Variants in COMMD1 observed in about 807,000 individuals in gnomAD.
COMMD1 encodes copper metabolism domain containing 1.
COMMD1 carries 10 observed loss-of-function variants against 17.2 expected under a neutral mutation model. That is an observed-to-expected ratio of 0.58 (90% CI 0.36 to 0.99). The LOEUF (loss-of-function observed/expected upper bound fraction) is 0.99. COMMD1 is among the 50% of genes least tolerant of loss of function. The pLI is 0.01. For synonymous variants in COMMD1, 97 were observed against 91.6 expected, an observed-to-expected ratio of 1.06 and a Z score of -0.34; for missense variants, 270 against 231.8, an observed-to-expected ratio of 1.17 and a Z score of -1.07.
intron 2 of COMMD1, among the ~76,000 whole-genome samples, chr2:62,060,154 C>A (rs1371194245): frequency 6.6e-6 from 1 of 151,974 alleles, no homozygotes; most frequent in Non-Finnish European, 1.5e-5. Flanking sequence ...CATGGTGAAA[C>A]CCTGTCTCTA....
At chr2:61,923,696 T>G (rs1314884534) in intron 1 of COMMD1, among the ~76,000 whole-genome samples, 1 of 152,186 alleles carries the variant, frequency 6.6e-6, no homozygotes, top group Non-Finnish European at 1.5e-5. Flanking sequence ...TATTTTGTGG[T>G]GAGCAGGGAG....
chr2:61,997,942 C>G (rs1668810628), intron 1 of COMMD1, among the ~76,000 whole-genome samples: 1 of 152,228 alleles, frequency 6.6e-6, no homozygotes, highest in Admixed American at 6.5e-5. Context: ...TTTAGTGTAA[C>G]CACGTTCATC....
At chr2:61,925,050 C>T (rs752328799) in intron 1 of COMMD1, among the ~76,000 whole-genome samples, 17 of 152,164 alleles carry the variant, frequency 1.1e-4, no homozygotes, top group Non-Finnish European at 1.9e-4. Context: ...ACAGTCTCTT[C>T]ACTCACCCTG....
chr2:62,123,809 A>C (rs879635197), intron 2 of COMMD1, among the ~76,000 whole-genome samples: 2 of 151,910 alleles, frequency 1.3e-5, no homozygotes, highest in Non-Finnish European at 2.9e-5. Context: ...CTGGGAGAAA[A>C]TAAATCTCTT....
chr2:61,913,576 G>A (rs1362670636), intron 1 of COMMD1, among the ~76,000 whole-genome samples: 1 of 150,074 alleles, frequency 6.7e-6, no homozygotes, highest in African/African-American at 2.4e-5. Context: ...ACTAAAAATT[G>A]GCTCTACTAA....
chr2:62,119,887 C>T (rs983350169), intron 2 of COMMD1, among the ~76,000 whole-genome samples: 2 of 152,188 alleles, frequency 1.3e-5, no homozygotes, highest in African/African-American at 2.4e-5. Context: ...AGATTATCAT[C>T]CTTAGAAAGC....
At chr2:61,911,494 CAG>C (rs1410529889) in intron 1 of COMMD1, among the ~76,000 whole-genome samples, 1 of 152,094 alleles carries the variant, frequency 6.6e-6, no homozygotes, top group Non-Finnish European at 1.5e-5. Context: ...TATTTAGAGA[CAG>C]GGACTCACTC....
intron 2 of COMMD1, 117 bp downstream of exon 2, chr2:62,001,099 G>A: frequency 3.9e-6 from 4 of 1,033,790 alleles, no homozygotes; most frequent in South Asian, 1.4e-5. Flanking sequence ...CTGTTTCCTA[G>A]AATCCTTTTT....
chr2:62,072,409 A>G (rs1273330324), intron 2 of COMMD1, among the ~76,000 whole-genome samples: 1 of 152,052 alleles, frequency 6.6e-6, no homozygotes, highest in Non-Finnish European at 1.5e-5. Flanking sequence ...TCAGCCACAC[A>G]TTGGGACTAC....
At chr2:62,129,729 C>T (rs1672973624) in intron 2 of COMMD1, among the ~76,000 whole-genome samples, 2 of 152,132 alleles carry the variant, frequency 1.3e-5, no homozygotes, top group South Asian at 4.1e-4. Context: ...GCTTGCTCTC[C>T]CTCTTCCTCT....
chr2:62,086,426 G>A (rs1439847312), intron 2 of COMMD1, among the ~76,000 whole-genome samples: 6 of 151,456 alleles, frequency 4.0e-5, no homozygotes, highest in Non-Finnish European at 8.8e-5. Context: ...CAGGAGAATC[G>A]CGTGAACCCG....
At chr2:62,084,330 C>T (rs1229615225) in intron 2 of COMMD1, among the ~76,000 whole-genome samples, 1 of 152,064 alleles carries the variant, frequency 6.6e-6, no homozygotes, top group Admixed American at 6.5e-5. Context: ...TTGATTAACA[C>T]ATATCTTTTA....
At chr2:62,122,942 G>C (rs1298254610) in intron 2 of COMMD1, among the ~76,000 whole-genome samples, 1 of 152,224 alleles carries the variant, frequency 6.6e-6, no homozygotes, top group African/African-American at 2.4e-5. Flanking sequence ...AGCAGTAGGA[G>C]GGTATGTGTG....
At chr2:61,953,032 C>T (rs1335773131) in intron 1 of COMMD1, among the ~76,000 whole-genome samples, 2 of 152,056 alleles carry the variant, frequency 1.3e-5, no homozygotes, top group Non-Finnish European at 2.9e-5. Context: ...TTTTTTGAGA[C>T]GGAGTCTTGT....
chr2:61,941,554 C>G (rs1278129186), intron 1 of COMMD1, among the ~76,000 whole-genome samples: 1 of 152,262 alleles, frequency 6.6e-6, no homozygotes, highest in African/African-American at 2.4e-5. Context: ...TCAACTGTTT[C>G]ATCTGCGGTG....
intron 2 of COMMD1, among the ~76,000 whole-genome samples, chr2:62,115,481 G>A (rs1672566377): frequency 6.6e-6 from 1 of 152,184 alleles, no homozygotes; most frequent in Admixed American, 6.5e-5. Context: ...TTCAATGTGG[G>A]AATAATAGTG....
At chr2:62,011,929 T>G (rs937937583) in intron 2 of COMMD1, among the ~76,000 whole-genome samples, 6 of 152,204 alleles carry the variant, frequency 3.9e-5, no homozygotes, top group Admixed American at 1.3e-4. Flanking sequence ...TCTCTAGAGT[T>G]TATGAACATA....
chr2:62,123,471 C>G (rs1672802591), intron 2 of COMMD1, among the ~76,000 whole-genome samples: 1 of 143,086 alleles, frequency 7.0e-6, no homozygotes, highest in African/African-American at 2.6e-5. Flanking sequence ...CACCACTGCA[C>G]TCCAGCCTGG....
At chr2:61,923,490 A>C (rs183261901) in intron 1 of COMMD1, among the ~76,000 whole-genome samples, 2 of 152,230 alleles carry the variant, frequency 1.3e-5, no homozygotes, top group East Asian at 3.9e-4. Context: ...AGTTACTAGA[A>C]TATAACAGCT....
Sources: gnomAD v4.1 joint callset for allele counts (sites outside exome capture counted in the v4.1 genomes callset) on GRCh38, gnomAD v4.1.1 for gene constraint, MANE v1.5 for transcripts, NCBI Gene and HGNC (gene_info 2026-07-23, HGNC 2026-07-21) for gene names.